BCAS4: variants seen among roughly 807,000 people sequenced by gnomAD.
BCAS4 encodes the protein breast carcinoma amplified sequence 4.
BCAS4 carries 9 observed loss-of-function variants against 15.7 expected under a neutral mutation model. The observed-to-expected ratio is 0.57, with a 90% CI of 0.34 to 1.00. BCAS4 has a LOEUF of 1.00. Among genes scored for constraint, BCAS4 ranks in the 50% least tolerant of loss-of-function variants. The pLI is 0.02. For synonymous variants in BCAS4, 101 were observed against 99.5 expected (o/e 1.02, Z -0.09); for missense variants, 225 against 239.1 (o/e 0.94, Z 0.39).
In BCAS4 at chr20:50,844,298, A is replaced by T. The variant is rs143175435; in HGVS notation, c.399+2398A>T. 1.6e-3 allele frequency among the ~76,000 whole-genome samples: 242 copies of T among 150,472 alleles called. 2 individuals are homozygous for T. The highest frequency in any genetic ancestry group is 5.6e-3 in the African/African-American group (229 of 40,796). The stretch of plus-strand genomic sequence containing the variant: ...CTCTACAAAAAAGTATCCAAGTGTG[A>T]TGGCATGCACCTGTGGCCCTAGCTA... On this transcript the variant is annotated intron_variant, in intron 4 of 4. Coordinates refer to ENST00000371608, the MANE Select transcript of BCAS4 (RefSeq NM_198799.4).
At chr20:50,796,024 G>A (rs1402960486) in intron 1 of BCAS4, among the ~76,000 whole-genome samples, 2 of 151,522 alleles carry the variant, frequency 1.3e-5, no homozygotes, top group Non-Finnish European at 2.9e-5. Context: ...GAAGAGTGAG[G>A]CTGCAGTGAG....
intron 3 of BCAS4, among the ~76,000 whole-genome samples, chr20:50,840,266 AT>A: frequency 6.6e-6 from 1 of 152,314 alleles, no homozygotes; most frequent in East Asian, 1.9e-4. Context: ...CATTCCAATA[AT>A]TAAAATCATT....
chr20:50,795,340 G>A (rs2087841074), intron 1 of BCAS4, among the ~76,000 whole-genome samples, 167 bp downstream of exon 1: 1 of 152,144 alleles, frequency 6.6e-6, no homozygotes, highest in Non-Finnish European at 1.5e-5. Flanking sequence ...GATGTGCAGC[G>A]GGTCGTCCCT....
At chr20:50,854,759 A>ACC (rs199546856) in intron 4 of BCAS4, among the ~76,000 whole-genome samples, 1 of 147,564 alleles carries the variant, frequency 6.8e-6, no homozygotes, top group African/African-American at 2.5e-5. Context: ...ATTGTTCCAA[A>ACC]CCCCCCCCAC....
intron 4 of BCAS4, among the ~76,000 whole-genome samples, chr20:50,849,707 C>T (rs2088586648): frequency 6.6e-6 from 1 of 152,160 alleles, no homozygotes; most frequent in South Asian, 2.1e-4. Context: ...CCAGTGGTCA[C>T]CAGGTTTTCC....
rs1014663213 is a variant in BCAS4 at position 50,854,825 on chromosome 20, T to C, written c.399+12925T>C. On this transcript the variant is annotated intron_variant, in intron 4 of 4. Coordinates refer to ENST00000371608, the MANE Select transcript of BCAS4 (RefSeq NM_198799.4). The stretch of plus-strand genomic sequence containing the variant: ...CTTCAAGGCTGCCAAAGCCAAGTCC[T>C]GAAGCTGCTTTTTACAGAATAACCT... Among the ~76,000 whole-genome samples the C allele has an allele frequency of 2.0e-5, 3 of 152,346 alleles. No individual in the cohort carries two copies. In the East Asian group the frequency reaches 5.8e-4, roughly 29 times the overall value.
rs140959278 is a variant in BCAS4, at chr20:50,814,109, G to A, written c.91-4102G>A. Among the ~76,000 whole-genome samples the A allele has an allele frequency of 1.8e-3, 278 of 152,244 alleles. 2 individuals carry two copies. The highest frequency in any genetic ancestry group is 6.4e-3 in the African/African-American group (265 of 41,524). On this transcript the variant is annotated intron_variant, in intron 1 of 4. Coordinates refer to ENST00000371608, the MANE Select transcript of BCAS4 (RefSeq NM_198799.4). Reference sequence around the variant, plus strand: ...CATGGTGGGCTGGCTTATCCTGAGCGCCTTCCTGTTGGTCGGGAATGTCTT... The same window carrying A: ...CATGGTGGGCTGGCTTATCCTGAGCACCTTCCTGTTGGTCGGGAATGTCTT...
At chr20:50,804,771 A>G (rs1447436944) in intron 1 of BCAS4, among the ~76,000 whole-genome samples, 1 of 152,172 alleles carries the variant, frequency 6.6e-6, no homozygotes, top group Non-Finnish European at 1.5e-5. Context: ...AAACTTCAAG[A>G]TCAAGCATCC....
chr20:50,841,617 C>T, intron 3 of BCAS4, 149 bp from the exon 4 acceptor site: 1 of 1,027,742 alleles, frequency 9.7e-7, no homozygotes, highest in Non-Finnish European at 1.4e-6. Context: ...TCCAGCTAAG[C>T]AGGCCCTGCT....
At chr20:50,795,739 A>G (rs1361115892) in intron 1 of BCAS4, among the ~76,000 whole-genome samples, 1 of 152,258 alleles carries the variant, frequency 6.6e-6, no homozygotes, top group Non-Finnish European at 1.5e-5. Flanking sequence ...TACGGTCAGA[A>G]ATTCAACCCA....
At chr20:50,812,412 G>A (rs999474378) in intron 1 of BCAS4, among the ~76,000 whole-genome samples, 21 of 149,944 alleles carry the variant, frequency 1.4e-4, no homozygotes, top group African/African-American at 4.4e-4. Flanking sequence ...GGGATTACAG[G>A]CGTGAGCTAC....
intron 4 of BCAS4, among the ~76,000 whole-genome samples, chr20:50,867,908 C>T (rs542566260): frequency 6.4e-4 from 97 of 152,256 alleles, no homozygotes; most frequent in African/African-American, 2.3e-3. Flanking sequence ...AGAGAGACTC[C>T]ATCTCAAAAA....
chr20:50,847,467 C>T (rs998514992), intron 4 of BCAS4, among the ~76,000 whole-genome samples: 2 of 152,184 alleles, frequency 1.3e-5, no homozygotes, highest in Admixed American at 6.5e-5. Flanking sequence ...GCGGGAATCA[C>T]GGGGCAGCTG....
chr20:50,828,323 C>T (rs1315279637), intron 2 of BCAS4, among the ~76,000 whole-genome samples: 2 of 151,636 alleles, frequency 1.3e-5, no homozygotes, highest in Non-Finnish European at 2.9e-5. Context: ...TGGTTTTAGA[C>T]GTACAGGGCA....
intron 1 of BCAS4, among the ~76,000 whole-genome samples, chr20:50,812,099 A>G (rs753781613): frequency 1.3e-5 from 2 of 152,104 alleles, no homozygotes; most frequent in Admixed American, 6.6e-5. Flanking sequence ...TTGTTCATTC[A>G]TCACTTAATG....
chr20:50,856,279 G>A (rs1400426447), intron 4 of BCAS4, among the ~76,000 whole-genome samples: 1 of 152,178 alleles, frequency 6.6e-6, no homozygotes, highest in East Asian at 1.9e-4. Context: ...CTCTGTTCCT[G>A]GTCAACTTTC....
At chr20:50,865,947 G>A (rs1208586261) in intron 4 of BCAS4, among the ~76,000 whole-genome samples, 1 of 152,180 alleles carries the variant, frequency 6.6e-6, no homozygotes, top group Non-Finnish European at 1.5e-5. Context: ...AGGACAGGCT[G>A]AGGTACAGAA....
upstream of BCAS4, chr20:50,795,004 C>T (rs1400045981): frequency 3.7e-6 from 5 of 1,349,432 alleles, no homozygotes; most frequent in Non-Finnish European, 4.8e-6. Context: ...ATGCAGCGGA[C>T]CGGGGGCGGG....
intron 2 of BCAS4, among the ~76,000 whole-genome samples, chr20:50,827,426 G>T (rs570898910): frequency 6.6e-6 from 1 of 152,304 alleles, no homozygotes; most frequent in South Asian, 2.1e-4. Context: ...TGGTGCCTGC[G>T]GCTTTCTCCA....
Sources: allele counts gnomAD v4.1 joint callset (sites outside exome capture counted in the v4.1 genomes callset), GRCh38; gene constraint gnomAD v4.1.1; transcripts MANE v1.5; gene names NCBI Gene and HGNC (gene_info 2026-07-23, HGNC 2026-07-21).